GRB10: variants seen among roughly 807,000 people sequenced by gnomAD.
GRB10 encodes growth factor receptor bound protein 10.
Under a neutral mutation model 80.9 loss-of-function variants are expected in GRB10, and 20 were observed. The observed-to-expected ratio is 0.25, with a 90% CI of 0.17 to 0.36. The LOEUF is 0.36. Ranked by LOEUF, GRB10 falls within the 10% of genes least tolerant of loss-of-function variation. GRB10 has a pLI of 1.00. For synonymous variants in GRB10, 291 were observed against 291.5 expected, an observed-to-expected ratio of 1.00 and a Z score of 0.02; for missense variants, 548 against 747.7, an observed-to-expected ratio of 0.73 and a Z score of 3.12.
intron 5 of GRB10, among the ~76,000 whole-genome samples, chr7:50,690,035 G>A (rs1168081589): frequency 6.6e-6 from 1 of 151,748 alleles, no homozygotes. Context: ...GGTGGCTCAC[G>A]CCTGTAATCC....
At chr7:50,617,880 A>G in intron 10 of GRB10, 191 bp downstream of exon 10, 1 of 641,168 alleles carries the variant, frequency 1.6e-6, no homozygotes, top group East Asian at 2.7e-5. Context: ...CTACACACAG[A>G]TTTTCCAAGG....
chr7:50,737,604 T>A (rs1447589577), intron 3 of GRB10, among the ~76,000 whole-genome samples: 1 of 152,136 alleles, frequency 6.6e-6, no homozygotes. Flanking sequence ...ATCCCAACAC[T>A]TCGGGAGGCC....
intron 2 of GRB10, among the ~76,000 whole-genome samples, chr7:50,763,872 C>T (rs924398316): frequency 1.3e-5 from 2 of 152,228 alleles, no homozygotes; most frequent in Non-Finnish European, 2.9e-5. Flanking sequence ...TCCCACTTAA[C>T]CAGCCCTAGC....
upstream of GRB10, among the ~76,000 whole-genome samples, chr7:50,784,404 G>C (rs2078602539): frequency 6.6e-6 from 1 of 152,196 alleles, no homozygotes; most frequent in Non-Finnish European, 1.5e-5. Flanking sequence ...ACCCCACAAA[G>C]GTGGCTCGAG....
chr7:50,767,711 C>T (rs2076509725), intron 2 of GRB10, among the ~76,000 whole-genome samples: 1 of 152,182 alleles, frequency 6.6e-6, no homozygotes, highest in Admixed American at 6.5e-5. Context: ...TTACATCGTC[C>T]TATCCAGGTA....
At chr7:50,728,259 T>C (rs2068994949) in intron 4 of GRB10, among the ~76,000 whole-genome samples, 1 of 151,538 alleles carries the variant, frequency 6.6e-6, no homozygotes, top group South Asian at 2.1e-4. Flanking sequence ...ACAGAATCAC[T>C]CTTTCACTAA....
chr7:50,732,257 T>A lies in GRB10; in HGVS notation c.51+15A>T. ...CACCATCGGGCCAGGATCAGATATA[T>A]GTGCTCGCCCATACCTGGTAGTACG... On this transcript the variant is annotated intron_variant, in intron 4 of 18. Transcript: ENST00000401949. The A allele has an allele frequency of 6.2e-7, 1 of 1,613,630 alleles. No individual in the cohort carries two copies. The highest frequency in any genetic ancestry group is 8.5e-7 in the Non-Finnish European group (1 of 1,179,572).
intron 5 of GRB10, among the ~76,000 whole-genome samples, chr7:50,697,835 A>C (rs1227045450): frequency 1.3e-5 from 2 of 152,152 alleles, no homozygotes; most frequent in Non-Finnish European, 2.9e-5. Context: ...ACCCCACCCC[A>C]GGGAGGGAAG....
rs2076332404 is a variant in GRB10 at position 50,766,291 on chromosome 7, T to C, written c.-216-10235A>G. On this transcript the variant is annotated intron_variant, in intron 2 of 18. Transcript: ENST00000401949. ...AGGAATTCCAGAGAAATCACTGCTCTATACCTAAACACAATGAGGCTATTA... is the reference window on the plus strand; with the variant it reads ...AGGAATTCCAGAGAAATCACTGCTCCATACCTAAACACAATGAGGCTATTA... Among the ~76,000 whole-genome samples, 5 of 152,202 alleles carry C rather than the reference T, an allele frequency of 3.3e-5. No homozygotes were observed. The South Asian group carries it at 8.3e-4, about 25-fold the overall frequency.
intron 4 of GRB10, among the ~76,000 whole-genome samples, chr7:50,723,798 T>A (rs1169459267): frequency 6.6e-6 from 1 of 152,174 alleles, no homozygotes; most frequent in African/African-American, 2.4e-5. Context: ...GCTGGCCACA[T>A]GACCCTCCAA....
chr7:50,683,308 G>C (rs1049101722), intron 5 of GRB10, among the ~76,000 whole-genome samples: 4 of 152,218 alleles, frequency 2.6e-5, no homozygotes, highest in Admixed American at 6.5e-5. Flanking sequence ...GGCTAGGGAA[G>C]GAAATGGGGT....
intron 5 of GRB10, among the ~76,000 whole-genome samples, chr7:50,675,884 G>A (rs1272720084): frequency 1.3e-5 from 2 of 152,174 alleles, no homozygotes; most frequent in Admixed American, 6.5e-5. Flanking sequence ...GCTTCCTAAG[G>A]CCTGGCTGCA....
Position 50,590,564 on chromosome 7 carries a change from G to C in GRB10, c.*2388C>G, listed in dbSNP as rs1445115897. The C allele has an allele frequency of 6.6e-6, 1 of 152,612 alleles. No homozygotes were observed. Among genetic ancestry groups the C allele is most frequent in the East Asian group, 1.9e-4 (1 of 5,196 alleles). 9.5% of individuals were successfully genotyped at this position (152,612 alleles called of 1,614,324 possible). ...GCTACATGGAGTTTCATTTAGAAAA[G>C]AAAATCACAGGCAGAGATACAAAGT... On this transcript the variant is annotated 3_prime_UTR_variant, in exon 19 of 19. Transcript: ENST00000401949.
At chr7:50,694,198 T>C (rs1193579733) in intron 5 of GRB10, among the ~76,000 whole-genome samples, 1 of 152,162 alleles carries the variant, frequency 6.6e-6, no homozygotes, top group Non-Finnish European at 1.5e-5. Context: ...ATGGCACATG[T>C]CTGTAATCTC....
chr7:50,793,442 C>G, exon 1 of GRB10: 1 of 148,530 alleles, frequency 6.7e-6, no homozygotes, highest in South Asian at 1.8e-4. Flanking sequence ...GCTTCCCTCT[C>G]TGCCTCCTCC....
intron 4 of GRB10, among the ~76,000 whole-genome samples, chr7:50,731,483 C>T (rs531954690): frequency 2.0e-5 from 3 of 152,290 alleles, no homozygotes; most frequent in Middle Eastern, 6.8e-3. Flanking sequence ...CCTAGGACTG[C>T]TCCAGCCGAA....
intron 7 of GRB10, among the ~76,000 whole-genome samples, chr7:50,665,005 CTT>C (rs2059659185): frequency 1.3e-5 from 2 of 152,168 alleles, no homozygotes; most frequent in Admixed American, 6.5e-5. Context: ...TATTATTAAA[CTT>C]AAATAAATCA....
intron 17 of GRB10, 52 bp from the exon 18 acceptor site, chr7:50,595,582 ATCAC>A (rs765098775): frequency 1.5e-5 from 12 of 820,670 alleles, no homozygotes; most frequent in East Asian, 2.6e-5. Context: ...TCTGGAACTA[ATCAC>A]ACACACACAC....
upstream of GRB10, among the ~76,000 whole-genome samples, chr7:50,787,787 G>A (rs867334058): frequency 9.8e-5 from 15 of 152,360 alleles, no homozygotes; most frequent in Middle Eastern, 0.017. Flanking sequence ...TGAGATGCAC[G>A]TGATTTTCTT....
Sources: allele counts gnomAD v4.1 joint callset (sites outside exome capture counted in the v4.1 genomes callset), GRCh38; gene constraint gnomAD v4.1.1; transcripts MANE v1.5; gene names NCBI Gene and HGNC (gene_info 2026-07-23, HGNC 2026-07-21).